IMMP2L: variants seen among roughly 807,000 people sequenced by gnomAD.
IMMP2L encodes the protein mitochondrial inner membrane protease subunit 2.
IMMP2L carries 18 observed loss-of-function variants against 19.3 expected under a neutral mutation model. The observed-to-expected ratio is 0.93, with a 90% CI of 0.64 to 1.38. IMMP2L has a LOEUF of 1.38. IMMP2L is among the 40% of genes most tolerant of loss of function. IMMP2L has a pLI of 0.00. For synonymous variants in IMMP2L, 76 were observed against 73.0 expected (o/e 1.04, Z -0.21); for missense variants, 233 against 218.2 (o/e 1.07, Z -0.43).
chr7:111,409,872 A>C (rs1424994075), intron 3 of IMMP2L, among the ~76,000 whole-genome samples: 2 of 151,776 alleles, frequency 1.3e-5, no homozygotes, highest in Non-Finnish European at 2.9e-5. Flanking sequence ...AAGGGAAACA[A>C]ATCAGGTGAT....
intron 1 of IMMP2L, among the ~76,000 whole-genome samples, chr7:111,560,163 G>A (rs1208180078): frequency 6.6e-6 from 1 of 152,010 alleles, no homozygotes; most frequent in African/African-American, 2.4e-5. Context: ...TTGTTAAGTG[G>A]TCATCTGAAA....
At chr7:110,929,614 C>T (rs1392508979) in intron 4 of IMMP2L, among the ~76,000 whole-genome samples, 1 of 152,128 alleles carries the variant, frequency 6.6e-6, no homozygotes, top group Non-Finnish European at 1.5e-5. Context: ...GAATTGTTCA[C>T]GTAACAGCTG....
At chr7:111,275,079 G>T (rs1437695367) in intron 3 of IMMP2L, among the ~76,000 whole-genome samples, 1 of 152,122 alleles carries the variant, frequency 6.6e-6, no homozygotes, top group Admixed American at 6.6e-5. Context: ...CAGACTATTT[G>T]AATTCTTTCA....
At chr7:110,743,732 C>A (rs186229011) in intron 5 of IMMP2L, among the ~76,000 whole-genome samples, 437 of 152,352 alleles carry the variant, frequency 2.9e-3, no homozygotes, top group African/African-American at 0.01. Flanking sequence ...AGGGACTGTA[C>A]TGTGCACTCT....
rs1376827552 is a variant in IMMP2L at position 111,281,190 on chromosome 7, GAA to G, written c.239+206046_239+206047del. Among the ~76,000 whole-genome samples, 89 of 59,634 alleles carry G rather than the reference GAA, an allele frequency of 1.5e-3. 1 individual carries two copies. Among genetic ancestry groups the G allele is most frequent in the African/African-American group, 5.1e-3 (78 of 15,196 alleles). 39.1% of individuals were successfully genotyped at this position (59,634 alleles called of 152,430 possible). ...AGAAAGAAAGAAAGAAAGAAAGAAAGAAAGAAAGAAAGAAAGAAAGAAAGAAA... is the reference window on the plus strand; with the variant it reads ...AGAAAGAAAGAAAGAAAGAAAGAAAGAGAAAGAAAGAAAGAAAGAAAGAAA... On this transcript the variant is annotated intron_variant, in intron 3 of 5. Transcript: ENST00000405709.
chr7:110,912,850 C>T (rs570364564), intron 4 of IMMP2L, among the ~76,000 whole-genome samples: 1 of 151,780 alleles, frequency 6.6e-6, no homozygotes, highest in African/African-American at 2.4e-5. Context: ...CCTGAGATAC[C>T]CTCACAACCC....
At chr7:111,166,981 C>A (rs565414762) in intron 3 of IMMP2L, among the ~76,000 whole-genome samples, 2 of 152,054 alleles carry the variant, frequency 1.3e-5, no homozygotes, top group East Asian at 3.9e-4. Context: ...ATGAAATTCA[C>A]AGGTTCTGAG....
At chr7:111,136,258 C>T (rs1802328290) in intron 3 of IMMP2L, among the ~76,000 whole-genome samples, 1 of 152,096 alleles carries the variant, frequency 6.6e-6, no homozygotes, top group Non-Finnish European at 1.5e-5. Flanking sequence ...GAACTTCTGA[C>T]CTCATGATCC....
intron 5 of IMMP2L, among the ~76,000 whole-genome samples, chr7:110,698,345 A>C (rs1210502096): frequency 3.3e-5 from 5 of 152,238 alleles, no homozygotes; most frequent in Non-Finnish European, 7.3e-5. Context: ...TCAGACCTTA[A>C]TGTTATCTCA....
At chr7:111,204,674 A>T (rs2129616878) in intron 3 of IMMP2L, among the ~76,000 whole-genome samples, 1 of 152,294 alleles carries the variant, frequency 6.6e-6, no homozygotes, top group East Asian at 1.9e-4. Flanking sequence ...TTTAAATAAC[A>T]TGTTGAGTAC....
chr7:110,933,746 CTT>C lies in IMMP2L; in HGVS notation c.305+29752_305+29753del, dbSNP rs1302215372. Reference sequence around the variant, plus strand: ...AAAACTGGCTCTGATCCCAGAGACTCTTTTTATATAAGGAGAAAGTACAGATT... The same window carrying C: ...AAAACTGGCTCTGATCCCAGAGACTCTTTATATAAGGAGAAAGTACAGATT... On this transcript the variant is annotated intron_variant, in intron 4 of 5. Transcript: ENST00000405709. Among the ~76,000 whole-genome samples the C allele has an allele frequency of 5.3e-5, 8 of 152,150 alleles. No individual in the cohort carries two copies. The East Asian group carries it at 1.5e-3, about 29-fold the overall frequency.
chr7:110,733,168 G>C (rs1167564502), intron 5 of IMMP2L, among the ~76,000 whole-genome samples: 2 of 152,206 alleles, frequency 1.3e-5, no homozygotes, highest in Non-Finnish European at 2.9e-5. Context: ...CAAGATACAA[G>C]TCATAGTTAT....
chr7:110,956,025 T>G (rs1818321978), intron 4 of IMMP2L, among the ~76,000 whole-genome samples: 1 of 152,038 alleles, frequency 6.6e-6, no homozygotes, highest in Non-Finnish European at 1.5e-5. Context: ...ATTCATCGTT[T>G]GCTGGAACCT....
intron 3 of IMMP2L, among the ~76,000 whole-genome samples, chr7:111,076,852 C>T (rs1795459169): frequency 6.6e-6 from 1 of 152,186 alleles, no homozygotes; most frequent in Non-Finnish European, 1.5e-5. Context: ...TTACTCTCAT[C>T]TCTCTCCTCT....
chr7:111,333,042 T>G (rs542910988), intron 3 of IMMP2L, among the ~76,000 whole-genome samples: 2 of 152,078 alleles, frequency 1.3e-5, no homozygotes, highest in African/African-American at 4.8e-5. Context: ...CCCAATCCAG[T>G]CAGGGCTACA....
At chr7:111,059,701 A>C (rs919772907) in intron 3 of IMMP2L, among the ~76,000 whole-genome samples, 1 of 152,156 alleles carries the variant, frequency 6.6e-6, no homozygotes, top group Non-Finnish European at 1.5e-5. Flanking sequence ...GATAGGCAAT[A>C]AGCTACTGCT....
chr7:110,768,849 G>T (rs537699430), intron 5 of IMMP2L, among the ~76,000 whole-genome samples: 1 of 152,100 alleles, frequency 6.6e-6, no homozygotes, highest in Admixed American at 6.5e-5. Flanking sequence ...TGTCTAGTCC[G>T]TTCCTGTTTA....
At chr7:111,006,001 A>T (rs983825742) in intron 3 of IMMP2L, among the ~76,000 whole-genome samples, 1 of 152,100 alleles carries the variant, frequency 6.6e-6, no homozygotes, top group Non-Finnish European at 1.5e-5. Context: ...CTTGGTCAAG[A>T]GTAACTAGCT....
chr7:110,918,878 T>G (rs374737638), intron 4 of IMMP2L, among the ~76,000 whole-genome samples: 4 of 152,314 alleles, frequency 2.6e-5, no homozygotes, highest in East Asian at 3.9e-4. Flanking sequence ...AGTGACTCAG[T>G]TTTTCATTTT....
Sources: gnomAD v4.1 joint callset for allele counts (sites outside exome capture counted in the v4.1 genomes callset) on GRCh38, gnomAD v4.1.1 for gene constraint, MANE v1.5 for transcripts, NCBI Gene and HGNC (gene_info 2026-07-23, HGNC 2026-07-21) for gene names.